The following SV2C variants were observed in gnomAD, a reference collection of about 807,000 sequenced individuals.
SV2C encodes solute carrier family 22 member B3.
A neutral mutation model predicts 79.7 loss-of-function variants in SV2C; 49 were observed. That is an observed-to-expected ratio of 0.61 (90% CI 0.49 to 0.78). The LOEUF (loss-of-function observed/expected upper bound fraction) is 0.78. SV2C is among the 30% of genes least tolerant of loss of function. The pLI is 0.00. For missense variants in SV2C, 833 were observed against 912.9 expected, an observed-to-expected ratio of 0.91 and a Z score of 1.13; for synonymous variants, 334 against 333.2, an observed-to-expected ratio of 1.00 and a Z score of -0.03.
At chr5:75,858,841 T>C in the SV2C span, among the ~76,000 whole-genome samples, 1 of 149,388 alleles carries the variant, frequency 6.7e-6, no homozygotes, top group Non-Finnish European at 1.5e-5. Flanking sequence ...GTTGTATGTG[T>C]CTAGGAATTT....
At chr5:75,876,723 G>C in the SV2C span, among the ~76,000 whole-genome samples, 74 of 152,058 alleles carry the variant, frequency 4.9e-4, no homozygotes, top group Non-Finnish European at 8.8e-4. Context: ...ATGTGTCTAT[G>C]TATCACTGAA....
chr5:75,997,074 G>C, the SV2C span, among the ~76,000 whole-genome samples: 1 of 150,354 alleles, frequency 6.7e-6, no homozygotes, highest in Admixed American at 6.7e-5. Context: ...GTTTTCAAAG[G>C]GAATGCTTCC....
the SV2C span, among the ~76,000 whole-genome samples, chr5:76,021,094 A>G: frequency 6.6e-6 from 1 of 152,198 alleles, no homozygotes; most frequent in Non-Finnish European, 1.5e-5. Context: ...TTGGTTTTCC[A>G]CCTAATTGAA....
the SV2C span, among the ~76,000 whole-genome samples, chr5:75,961,509 AATC>A: frequency 6.6e-6 from 1 of 151,976 alleles, no homozygotes; most frequent in African/African-American, 2.4e-5. Flanking sequence ...ATAAAAATAA[AATC>A]ATAATTATTT....
In SV2C at chr5:76,243,644, C is replaced by T. The variant is rs571029436; in HGVS notation, c.913+33757C>T. Among the ~76,000 whole-genome samples the T allele has an allele frequency of 3.3e-5, 5 of 152,320 alleles. No homozygotes were observed. The South Asian group carries it at 1.0e-3, about 32-fold the overall frequency. ...GGTGCCAAAGCCTCCTGCCTGCTCT[C>T]TTTGATTCTGCTTCTGTGCCGTGCC... On this transcript the variant is annotated intron_variant, in intron 4 of 12. Coordinates refer to ENST00000502798, the MANE Select transcript of SV2C (RefSeq NM_014979.4).
chr5:76,203,195 C>G (rs934351486), intron 3 of SV2C, among the ~76,000 whole-genome samples: 1 of 152,152 alleles, frequency 6.6e-6, no homozygotes, highest in Non-Finnish European at 1.5e-5. Context: ...CATATGCACT[C>G]TTTAGAATTC....
the SV2C span, among the ~76,000 whole-genome samples, chr5:75,972,968 A>T: frequency 4.6e-5 from 7 of 152,080 alleles, no homozygotes; most frequent in Non-Finnish European, 8.8e-5. Flanking sequence ...AAAATATGGC[A>T]CCTATATACC....
intron 2 of SV2C, among the ~76,000 whole-genome samples, chr5:76,145,219 G>A (rs1580304016): frequency 6.6e-6 from 1 of 152,318 alleles, no homozygotes; most frequent in East Asian, 1.9e-4. Flanking sequence ...ACTTTGTGAG[G>A]TTAGGGAGGT....
At chr5:75,940,613 A>G in the SV2C span, among the ~76,000 whole-genome samples, 1 of 152,092 alleles carries the variant, frequency 6.6e-6, no homozygotes, top group Non-Finnish European at 1.5e-5. Context: ...TTTACTTCTT[A>G]ATGGGTGTGT....
In SV2C at chr5:76,131,697, G is replaced by A. The variant is rs1748895130; in HGVS notation, c.-54G>A. 1 of 1,507,500 alleles carries A rather than the reference G, an allele frequency of 6.6e-7. No homozygotes were observed. The highest frequency in any genetic ancestry group is 9.0e-7 in the Non-Finnish European group (1 of 1,113,162). The allele number at this position is 1,507,500 out of a possible 1,614,324, so 93.4% of individuals were successfully genotyped here. A position where few individuals can be genotyped will look rare whatever the true frequency, so the allele number is the denominator to read the frequency against. On this transcript the variant is annotated 5_prime_UTR_variant, in exon 2 of 13. The change abolishes the stop of an existing upstream ORF in the 5' untranslated region. Coordinates refer to ENST00000502798, the MANE Select transcript of SV2C (RefSeq NM_014979.4). Reference sequence around the variant, plus strand: ...ATGATGCTGTCAGAGCTGAACCACTGAAAGGAGGCTGTGAAAATTTCCCAT... The same window carrying A: ...ATGATGCTGTCAGAGCTGAACCACTAAAAGGAGGCTGTGAAAATTTCCCAT...
At chr5:76,286,964 G>A (rs773861221) in intron 6 of SV2C, among the ~76,000 whole-genome samples, 7 of 152,242 alleles carry the variant, frequency 4.6e-5, no homozygotes, top group Admixed American at 1.3e-4. Flanking sequence ...ACTACAATTC[G>A]AGATGAGATC....
the SV2C span, among the ~76,000 whole-genome samples, chr5:76,073,501 GTGTA>G: frequency 5.8e-3 from 503 of 87,130 alleles, no homozygotes; most frequent in African/African-American, 0.017. Flanking sequence ...ATGTATGTGT[GTGTA>G]TATATATATA....
the SV2C span, among the ~76,000 whole-genome samples, chr5:75,878,637 A>G: frequency 6.6e-6 from 1 of 152,112 alleles, no homozygotes; most frequent in African/African-American, 2.4e-5. Flanking sequence ...CTGTTATTCA[A>G]TGGAAATTCA....
In SV2C at chr5:76,309,630, A is replaced by AC. The variant is rs1561310643; in HGVS notation, c.2000+8085_2000+8086insC. On this transcript the variant is annotated intron_variant, in intron 12 of 12. Transcript: ENST00000502798. ...AAAAAAAAAAAAAAAAAAAAACAGA[A>AC]AGAAAGAAAGAAAAATGTAGGTTGG... is the stretch of plus-strand genomic sequence containing the variant. Among the ~76,000 whole-genome samples, 116 of 131,964 alleles carry AC rather than the reference A, an allele frequency of 8.8e-4. 2 individuals carry two copies. Among genetic ancestry groups the AC allele is most frequent in the Middle Eastern group, 4.0e-3 (1 of 252 alleles). The allele number at this position is 131,964 out of a possible 152,430, so 86.6% of individuals were successfully genotyped here.
At chr5:76,118,658 C>T (rs1291563810) in intron 1 of SV2C, among the ~76,000 whole-genome samples, 6 of 151,990 alleles carry the variant, frequency 3.9e-5, no homozygotes, top group African/African-American at 1.2e-4. Context: ...CACAACCTTT[C>T]TGAGGGGCAG....
intron 2 of SV2C, among the ~76,000 whole-genome samples, chr5:76,191,795 G>T (rs1744111983): frequency 6.6e-6 from 1 of 152,230 alleles, no homozygotes; most frequent in Non-Finnish European, 1.5e-5. Flanking sequence ...ACTATGGTAG[G>T]AAGAGTAAGT....
chr5:76,236,073 G>T (rs944738149), intron 4 of SV2C, among the ~76,000 whole-genome samples: 1 of 152,142 alleles, frequency 6.6e-6, no homozygotes, highest in African/African-American at 2.4e-5. Context: ...ATAAAATGAG[G>T]TAACTTTTTT....
the SV2C span, among the ~76,000 whole-genome samples, chr5:75,944,791 C>G: frequency 6.6e-6 from 1 of 152,226 alleles, no homozygotes; most frequent in Middle Eastern, 3.4e-3. Flanking sequence ...GTACCCATTT[C>G]TTTTACAGTT....
At chr5:76,307,286 A>G (rs1014937458) in intron 12 of SV2C, among the ~76,000 whole-genome samples, 4 of 152,228 alleles carry the variant, frequency 2.6e-5, no homozygotes, top group Non-Finnish European at 5.9e-5. Context: ...GAGTGCTCTA[A>G]TGAGCTGAGC....
Sources: gnomAD v4.1 joint callset for allele counts (sites outside exome capture counted in the v4.1 genomes callset) on GRCh38, gnomAD v4.1.1 for gene constraint, MANE v1.5 for transcripts, NCBI Gene and HGNC (gene_info 2026-07-23, HGNC 2026-07-21) for gene names.